RUNDC3B: variants seen among roughly 807,000 people sequenced by gnomAD.
RUNDC3B encodes RUN domain-containing protein 3B.
In RUNDC3B, 33 loss-of-function variants were observed where a neutral mutation model predicts 58.4. The ratio of observed to expected loss-of-function variants is 0.56; its 90% CI spans 0.43 to 0.75. The LOEUF (loss-of-function observed/expected upper bound fraction) is 0.75. RUNDC3B is among the 30% of genes least tolerant of loss of function. RUNDC3B has a pLI of 0.00. For synonymous variants in RUNDC3B, 193 were observed against 195.2 expected (o/e 0.99, Z 0.10); for missense variants, 501 against 535.7 (o/e 0.94, Z 0.64).
chr7:87,634,936 T>G lies in RUNDC3B; in HGVS notation c.122+5991T>G, dbSNP rs146794723. On this transcript the variant is annotated intron_variant, in intron 1 of 10. Coordinates refer to ENST00000394654, the MANE Select transcript of RUNDC3B (RefSeq NM_001134405.2). ...GGATGATCCTCTTTTCAACGACTAG[T>G]CCTAGAGTAGACATTTCAGCATTCA... is the stretch of plus-strand genomic sequence containing the variant. 3.2e-3 allele frequency among the ~76,000 whole-genome samples: 494 copies of G among 152,270 alleles called. 3 individuals carry two copies. The highest frequency in any genetic ancestry group is 0.012 in the African/African-American group (484 of 41,556).
At chr7:87,699,546 T>C (rs934548521) in intron 2 of RUNDC3B, among the ~76,000 whole-genome samples, 1 of 152,112 alleles carries the variant, frequency 6.6e-6, no homozygotes, top group Non-Finnish European at 1.5e-5. Context: ...GCTGGGATTA[T>C]GGGCATACAC....
At chr7:87,711,989 G>T (rs1287306064) in intron 4 of RUNDC3B, among the ~76,000 whole-genome samples, 1 of 152,146 alleles carries the variant, frequency 6.6e-6, no homozygotes, top group Non-Finnish European at 1.5e-5. Flanking sequence ...TACAGGGTTT[G>T]ACATTCTGGA....
chr7:87,636,149 A>G (rs1821747821), intron 1 of RUNDC3B, among the ~76,000 whole-genome samples: 1 of 152,212 alleles, frequency 6.6e-6, no homozygotes, highest in Non-Finnish European at 1.5e-5. Context: ...GCTTCAGTAG[A>G]TGTGAAAGTT....
At chr7:87,658,696 A>G (rs1824380819) in intron 2 of RUNDC3B, among the ~76,000 whole-genome samples, 1 of 152,232 alleles carries the variant, frequency 6.6e-6, no homozygotes, top group Non-Finnish European at 1.5e-5. Context: ...ATCAGAAACC[A>G]TGGAGGCCAG....
chr7:87,751,927 G>GA (rs1833023065), intron 6 of RUNDC3B, among the ~76,000 whole-genome samples: 1 of 152,162 alleles, frequency 6.6e-6, no homozygotes, highest in Non-Finnish European at 1.5e-5. Context: ...TAGGAGTGGT[G>GA]AGAGAGGGCA....
rs188402836 is a variant in RUNDC3B at position 87,797,560 on chromosome 7, C to A, written c.957-9813C>A. On this transcript the variant is annotated intron_variant, in intron 8 of 10. Coordinates refer to ENST00000394654, the MANE Select transcript of RUNDC3B (RefSeq NM_001134405.2). ...TCACTTAATGGCTTAATTGGGTGAG[C>A]ATTGCCTAAAGCAGTTGATTAATTA... is the stretch of plus-strand genomic sequence containing the variant. Among the ~76,000 whole-genome samples the A allele has an allele frequency of 5.9e-5, 9 of 152,230 alleles. No homozygotes were observed. The East Asian group carries it at 1.7e-3, about 29-fold the overall frequency.
At chr7:87,790,887 G>C (rs1008852100) in intron 8 of RUNDC3B, among the ~76,000 whole-genome samples, 2 of 152,144 alleles carry the variant, frequency 1.3e-5, no homozygotes, top group Non-Finnish European at 2.9e-5. Flanking sequence ...ACCTTGAAGA[G>C]GAGGTAGACA....
chr7:87,750,536 G>A (rs370516001), intron 6 of RUNDC3B, among the ~76,000 whole-genome samples: 74 of 152,166 alleles, frequency 4.9e-4, no homozygotes, highest in African/African-American at 9.9e-4. Flanking sequence ...CCTCTCCAGC[G>A]CCTGTTGTTT....
chr7:87,826,129 A>G (rs1441005379), intron 10 of RUNDC3B, among the ~76,000 whole-genome samples: 1 of 152,056 alleles, frequency 6.6e-6, no homozygotes, highest in African/African-American at 2.4e-5. Flanking sequence ...GAAGAATGAT[A>G]TGGTTTGGCT....
At position 87,806,391 on chromosome 7, in the gene RUNDC3B, T is replaced by C. The variant is rs1836434916; in HGVS notation, c.957-982T>C. On this transcript the variant is annotated intron_variant, in intron 8 of 10. Transcript: ENST00000394654. ...TGTTACCCACAACAGGACTTTTATC[T>C]GTGGAAGTTAGTGGCAGGCACATAT... Among the ~76,000 whole-genome samples, 4 of 152,192 alleles carry C rather than the reference T, an allele frequency of 2.6e-5. No individual in the cohort carries two copies. In the South Asian group the frequency reaches 8.3e-4, roughly 31 times the overall value.
intron 4 of RUNDC3B, among the ~76,000 whole-genome samples, chr7:87,721,209 T>A (rs995319462): frequency 2.0e-5 from 3 of 151,354 alleles, no homozygotes; most frequent in Admixed American, 2.0e-4. Context: ...AAAAAAACTA[T>A]ACTCTATGTT....
chr7:87,825,434 T>C (rs1837750915), intron 10 of RUNDC3B, among the ~76,000 whole-genome samples: 1 of 152,120 alleles, frequency 6.6e-6, no homozygotes, highest in South Asian at 2.1e-4. Flanking sequence ...TTTCAGAAGA[T>C]GTAGGGAAAT....
At chr7:87,743,356 G>A (rs546476318) in intron 6 of RUNDC3B, among the ~76,000 whole-genome samples, 2 of 152,238 alleles carry the variant, frequency 1.3e-5, no homozygotes, top group Admixed American at 1.3e-4. Flanking sequence ...TGGATCAAAT[G>A]GTAGTTCTAC....
intron 4 of RUNDC3B, among the ~76,000 whole-genome samples, chr7:87,717,528 A>C (rs1007783133): frequency 1.1e-4 from 16 of 152,230 alleles, no homozygotes; most frequent in African/African-American, 3.6e-4. Context: ...AACCATTGAC[A>C]TGACATATGA....
Position 87,830,952 on chromosome 7 carries a change from C to T in RUNDC3B, c.*922C>T, listed in dbSNP as rs116608213. The T allele has an allele frequency of 3.8e-3, 577 of 151,754 alleles. 3 individuals are homozygous for T. Among genetic ancestry groups the T allele is most frequent in the African/African-American group, 0.013 (557 of 41,446 alleles). The allele number at this position is 151,754 out of a possible 1,614,324, so 9.4% of individuals were successfully genotyped here. ...TGATATTCAGTGCTGGTTCTTTTTCCTGTTTGTGCAACAATGAAGTGTGTC... is the reference window on the plus strand; with the variant it reads ...TGATATTCAGTGCTGGTTCTTTTTCTTGTTTGTGCAACAATGAAGTGTGTC... On this transcript the variant is annotated 3_prime_UTR_variant, in exon 11 of 11. Transcript: ENST00000394654.
intron 8 of RUNDC3B, among the ~76,000 whole-genome samples, chr7:87,792,309 G>T (rs1244611026): frequency 6.6e-6 from 1 of 152,030 alleles, no homozygotes; most frequent in Non-Finnish European, 1.5e-5. Flanking sequence ...AGATCTTTCA[G>T]ATACAAAATC....
chr7:87,637,804 AT>A (rs1821942523), intron 1 of RUNDC3B, among the ~76,000 whole-genome samples: 2 of 151,830 alleles, frequency 1.3e-5, no homozygotes, highest in African/African-American at 2.4e-5. Context: ...ATTCTAACAG[AT>A]TTTTTGCAGT....
intron 4 of RUNDC3B, among the ~76,000 whole-genome samples, chr7:87,736,278 G>T (rs1240990163): frequency 6.6e-6 from 1 of 152,010 alleles, no homozygotes; most frequent in Non-Finnish European, 1.5e-5. Flanking sequence ...CCCACAAAAG[G>T]AAAATTTGAA....
At chr7:87,755,173 C>G (rs1425819477) in intron 6 of RUNDC3B, among the ~76,000 whole-genome samples, 2 of 151,930 alleles carry the variant, frequency 1.3e-5, no homozygotes, top group Admixed American at 6.6e-5. Flanking sequence ...CAAGTGCACA[C>G]CACCACACCT....
Sources: allele counts gnomAD v4.1 joint callset (sites outside exome capture counted in the v4.1 genomes callset), GRCh38; gene constraint gnomAD v4.1.1; transcripts MANE v1.5; gene names NCBI Gene and HGNC (gene_info 2026-07-23, HGNC 2026-07-21).